PTPRD: variants seen among roughly 807,000 people sequenced by gnomAD.
The protein encoded by PTPRD is protein tyrosine phosphatase receptor type D, also known as receptor-type tyrosine-protein phosphatase delta.
PTPRD carries 34 observed loss-of-function variants against 214.5 expected under a neutral mutation model. That is an observed-to-expected ratio of 0.16 (90% CI 0.12 to 0.21). The LOEUF is 0.21. Among genes scored for constraint, PTPRD ranks in the 10% least tolerant of loss-of-function variants. The pLI is 1.00. For synonymous variants in PTPRD, 1,128 were observed against 845.7 expected (o/e 1.33, Z -5.79); for missense variants, 2,545 against 2,398.7 (o/e 1.06, Z -1.27).
intron 3 of PTPRD, among the ~76,000 whole-genome samples, chr9:10,088,656 C>T (rs552973610): frequency 1.3e-4 from 20 of 151,820 alleles, no homozygotes; most frequent in African/African-American, 3.9e-4. Context: ...GTATTACTGA[C>T]GTTTAGCAAA....
At chr9:9,332,468 C>A (rs1158076232) in intron 9 of PTPRD, among the ~76,000 whole-genome samples, 2 of 151,492 alleles carry the variant, frequency 1.3e-5, no homozygotes, top group African/African-American at 4.8e-5. Flanking sequence ...AAAACAGATA[C>A]CTATTATCAC....
chr9:9,427,115 G>A (rs1400675373), intron 8 of PTPRD, among the ~76,000 whole-genome samples: 1 of 152,122 alleles, frequency 6.6e-6, no homozygotes, highest in African/African-American at 2.4e-5. Context: ...AAACTTCTCC[G>A]AGCTAAAGGA....
At chr9:8,500,708 A>T (rs2136938971) in intron 24 of PTPRD, 46 bp downstream of exon 24, 1 of 1,586,976 alleles carries the variant, frequency 6.3e-7, no homozygotes, top group Non-Finnish European at 8.6e-7. Flanking sequence ...CAGCAGATCA[A>T]GACTGTGTCA....
intron 37 of PTPRD, among the ~76,000 whole-genome samples, chr9:8,384,357 A>G (rs1432113265): frequency 2.0e-5 from 3 of 152,164 alleles, no homozygotes; most frequent in African/African-American, 7.2e-5. Flanking sequence ...TACAGAATCA[A>G]TGAACTACGC....
At chr9:9,319,826 T>C (rs945697944) in intron 9 of PTPRD, among the ~76,000 whole-genome samples, 6 of 152,150 alleles carry the variant, frequency 3.9e-5, no homozygotes, top group Non-Finnish European at 7.4e-5. Flanking sequence ...GATTTAAGTA[T>C]TTTTGAATAA....
intron 3 of PTPRD, among the ~76,000 whole-genome samples, chr9:10,194,339 T>G (rs867650828): frequency 1.5e-5 from 1 of 68,284 alleles, no homozygotes; most frequent in Admixed American, 1.6e-4. Context: ...TATATATATA[T>G]ATATATAGAG....
At chr9:9,017,167 C>A (rs1230622957) in intron 11 of PTPRD, among the ~76,000 whole-genome samples, 1 of 151,922 alleles carries the variant, frequency 6.6e-6, no homozygotes, top group Non-Finnish European at 1.5e-5. Context: ...TAATAGCCAC[C>A]CAAACCCATG....
intron 7 of PTPRD, among the ~76,000 whole-genome samples, chr9:9,697,340 C>G (rs920276953): frequency 4.6e-5 from 7 of 151,968 alleles, no homozygotes; most frequent in African/African-American, 1.7e-4. Flanking sequence ...TGAAAAACTC[C>G]CTACAGAATT....
chr9:8,537,854 A>G (rs2077335942), intron 14 of PTPRD, among the ~76,000 whole-genome samples: 1 of 152,058 alleles, frequency 6.6e-6, no homozygotes, highest in Admixed American at 6.6e-5. Context: ...CATAAACCCC[A>G]GTTAGATTTA....
intron 2 of PTPRD, among the ~76,000 whole-genome samples, chr9:10,387,044 C>A (rs2097927594): frequency 6.6e-6 from 1 of 151,738 alleles, no homozygotes; most frequent in East Asian, 2.0e-4. Context: ...ATGGGGGTAG[C>A]CTCCAGAAGC....
At chr9:9,481,995 G>T (rs987775856) in intron 8 of PTPRD, among the ~76,000 whole-genome samples, 6 of 152,006 alleles carry the variant, frequency 3.9e-5, no homozygotes, top group African/African-American at 1.4e-4. Flanking sequence ...CATCATAAGA[G>T]AACTCTCCCA....
intron 33 of PTPRD, among the ~76,000 whole-genome samples, chr9:8,453,301 T>C (rs1003561790): frequency 1.3e-4 from 20 of 152,036 alleles, no homozygotes; most frequent in Non-Finnish European, 2.6e-4. Context: ...GTAGCTGGGA[T>C]TACAGGCGCC....
chr9:10,508,136 G>T (rs972097479), intron 2 of PTPRD, among the ~76,000 whole-genome samples: 1 of 152,142 alleles, frequency 6.6e-6, no homozygotes, highest in Admixed American at 6.6e-5. Context: ...GTGGGTGAAG[G>T]ATATGAACAG....
chr9:9,596,821 T>C (rs2093388109), intron 7 of PTPRD, among the ~76,000 whole-genome samples: 1 of 152,054 alleles, frequency 6.6e-6, no homozygotes, highest in Non-Finnish European at 1.5e-5. Context: ...AAACACAATC[T>C]GCCCTCAACT....
At chr9:10,088,888 T>A (rs2154196246) in intron 3 of PTPRD, among the ~76,000 whole-genome samples, 1 of 151,700 alleles carries the variant, frequency 6.6e-6, no homozygotes, top group East Asian at 2.0e-4. Context: ...GTGATGGAAA[T>A]ATTCTGGTGG....
intron 3 of PTPRD, among the ~76,000 whole-genome samples, chr9:10,059,376 G>A (rs2097715219): frequency 1.3e-5 from 2 of 152,042 alleles, no homozygotes; most frequent in African/African-American, 4.8e-5. Context: ...TTCCTGGGAG[G>A]CCACAGTCAC....
At chr9:9,261,373 T>C (rs1021425017) in intron 9 of PTPRD, among the ~76,000 whole-genome samples, 5 of 151,902 alleles carry the variant, frequency 3.3e-5, no homozygotes, top group South Asian at 2.1e-4. Flanking sequence ...TGTCCTTGAA[T>C]ATTAACATTC....
chr9:9,001,586 A>G (rs1589589776), intron 11 of PTPRD, among the ~76,000 whole-genome samples: 1 of 151,994 alleles, frequency 6.6e-6, no homozygotes, highest in Non-Finnish European at 1.5e-5. Flanking sequence ...TCAGAGTTTT[A>G]AGAGAAGTTG....
At chr9:10,474,668 A>G (rs2131853757) in intron 2 of PTPRD, among the ~76,000 whole-genome samples, 1 of 152,242 alleles carries the variant, frequency 6.6e-6, no homozygotes, top group East Asian at 1.9e-4. Context: ...TACACACCAA[A>G]TCAACAGAAT....
Sources: gnomAD v4.1 joint callset for allele counts (sites outside exome capture counted in the v4.1 genomes callset) on GRCh38, gnomAD v4.1.1 for gene constraint, MANE v1.5 for transcripts, NCBI Gene and HGNC (gene_info 2026-07-23, HGNC 2026-07-21) for gene names.